The following MCPH1 variants were observed in gnomAD, a reference collection of about 807,000 sequenced individuals.
MCPH1 encodes microcephalin.
Under a neutral mutation model 84.5 loss-of-function variants are expected in MCPH1, and 104 were observed. The ratio of observed to expected loss-of-function variants is 1.23; its 90% CI spans 1.05 to 1.45. MCPH1 has a LOEUF of 1.45. Among genes scored for constraint, MCPH1 ranks in the 40% most tolerant of loss-of-function variants. The pLI is 0.00. For synonymous variants in MCPH1, 514 were observed against 366.8 expected, an observed-to-expected ratio of 1.40 and a Z score of -4.58; for missense variants, 1,498 against 1,005.7, an observed-to-expected ratio of 1.49 and a Z score of -6.62.
chr8:6,442,094 A>G lies in MCPH1; in HGVS notation c.608A>G (p.Asp203Gly), dbSNP rs145639263. Residue 203 changes from aspartate (D) to glycine (G), a missense_variant, in exon 7 of 14, where the codon GAT (aspartate) becomes GGT (glycine). Transcript: ENST00000344683. ...TCCCAAATGATTCAGCAGTCTCATG[A>G]TAATCCAAGTAACTCTCTGTGTGAA... ...TSSQMIQQSH[D>G]NPSNSLCEAP... is the part of the protein sequence containing the mutation. 6.2e-7 allele frequency: 1 copy of G among 1,613,570 alleles called. No homozygotes were observed. The highest frequency in any genetic ancestry group is 1.7e-4 in the Middle Eastern group (1 of 6,058).
Position 6,446,494 on chromosome 8 carries a change from A to G in MCPH1, c.1825+947A>G. The G allele has an allele frequency of 1.2e-5, 12 of 984,736 alleles. No individual in the cohort carries two copies. In the South Asian group the frequency reaches 3.3e-4, roughly 27 times the overall value. The allele number at this position is 984,736 out of a possible 1,614,324, so 61.0% of individuals were successfully genotyped here. ...AAATTGTTTCACAAAAAGAATGAAA[A>G]TAATTTTATGTTTTTGGCCTGCTAT... On this transcript the variant is annotated intron_variant, in intron 8 of 13. Transcript: ENST00000344683.
chr8:6,480,735 G>T lies in MCPH1; in HGVS notation c.1995G>T (p.Gln665His). 6.2e-7 allele frequency: 1 copy of T among 1,614,152 alleles called. No individual in the cohort carries two copies. Among genetic ancestry groups the T allele is most frequent in the Non-Finnish European group, 8.5e-7 (1 of 1,180,026 alleles). Residue 665 changes from glutamine (Q) to histidine (H), a missense_variant, in exon 11 of 14, where the codon CAG (glutamine) becomes CAT (histidine). Transcript: ENST00000344683. ...ACAGAAAGCAGAATGTCGTCATCCA[G>T]GTTGTGGATAAATTGAAAGGCTTTT... is the stretch of plus-strand genomic sequence containing the variant. ...MPSEKQNVVI[Q>H]VVDKLKGFSI...
At chr8:6,512,438 T>G (rs1459723737) in intron 12 of MCPH1, among the ~76,000 whole-genome samples, 1 of 152,160 alleles carries the variant, frequency 6.6e-6, no homozygotes, top group African/African-American at 2.4e-5. Flanking sequence ...ATGACTGTTT[T>G]TGTGATGTTC....
intron 12 of MCPH1, among the ~76,000 whole-genome samples, chr8:6,584,163 C>G (rs1827796202): frequency 6.6e-6 from 1 of 152,082 alleles, no homozygotes; most frequent in Admixed American, 6.5e-5. Context: ...AATTTGTAAT[C>G]AAAAGTCACA....
chr8:6,469,857 C>T (rs1450662613), intron 9 of MCPH1, among the ~76,000 whole-genome samples: 1 of 152,224 alleles, frequency 6.6e-6, no homozygotes, highest in Non-Finnish European at 1.5e-5. Flanking sequence ...TCCCTCATCT[C>T]TACTCCTTTA....
At chr8:6,525,301 C>T (rs1487296486) in intron 12 of MCPH1, among the ~76,000 whole-genome samples, 1 of 152,140 alleles carries the variant, frequency 6.6e-6, no homozygotes, top group Non-Finnish European at 1.5e-5. Context: ...GTCTTTGTTG[C>T]CCAGGTTGGT....
chr8:6,487,191 A>G (rs1000670393), intron 11 of MCPH1, among the ~76,000 whole-genome samples: 1 of 152,238 alleles, frequency 6.6e-6, no homozygotes, highest in Admixed American at 6.5e-5. Context: ...CAGCTTTACA[A>G]CAAAATGTCA....
chr8:6,625,102 C>T (rs1831929157), intron 13 of MCPH1: 1 of 799,436 alleles, frequency 1.3e-6, no homozygotes, highest in Admixed American at 6.2e-5. Context: ...CTCAAACCCC[C>T]AACCTCAAGT....
chr8:6,419,242 C>T (rs1799806015), intron 3 of MCPH1, among the ~76,000 whole-genome samples: 1 of 151,570 alleles, frequency 6.6e-6, no homozygotes, highest in East Asian at 1.9e-4. Flanking sequence ...TTTTTGAAGA[C>T]AGGGTCTTGC....
intron 8 of MCPH1, chr8:6,446,015 T>G: frequency 3.1e-6 from 3 of 979,446 alleles, no homozygotes; most frequent in Non-Finnish European, 3.6e-6. Flanking sequence ...AAACTACTTT[T>G]AGAAATCTGT....
chr8:6,547,927 C>G (rs1018823902), intron 12 of MCPH1, among the ~76,000 whole-genome samples: 3 of 148,912 alleles, frequency 2.0e-5, no homozygotes, highest in African/African-American at 5.0e-5. Flanking sequence ...GTGGTTACTT[C>G]TCTAGTTTGG....
At chr8:6,598,443 A>C (rs966956180) in intron 12 of MCPH1, among the ~76,000 whole-genome samples, 2 of 152,086 alleles carry the variant, frequency 1.3e-5, no homozygotes, top group African/African-American at 4.8e-5. Flanking sequence ...TGAGGGGAGA[A>C]GAAGGGGATG....
At chr8:6,413,345 A>T (rs911376962) in intron 2 of MCPH1, among the ~76,000 whole-genome samples, 4 of 151,068 alleles carry the variant, frequency 2.6e-5, no homozygotes, top group East Asian at 1.9e-4. Context: ...CCTTTCGCCA[A>T]CCATGCTGGA....
intron 13 of MCPH1, among the ~76,000 whole-genome samples, chr8:6,631,747 G>C (rs147019662): frequency 5.9e-5 from 9 of 151,890 alleles, no homozygotes; most frequent in African/African-American, 9.6e-5. Flanking sequence ...GGGAATGTAA[G>C]ATATTGTAGC....
intron 12 of MCPH1, among the ~76,000 whole-genome samples, chr8:6,597,038 C>G (rs2442572): frequency 6.6e-6 from 1 of 151,982 alleles, no homozygotes; most frequent in Non-Finnish European, 1.5e-5. Context: ...GCAATGGGGC[C>G]AGGTGGGCAG....
chr8:6,407,022 C>G (rs1349087411), intron 1 of MCPH1: 1 of 372,974 alleles, frequency 2.7e-6, no homozygotes, highest in East Asian at 7.2e-5. Flanking sequence ...CCCCTCAATC[C>G]CCCGCTGCCT....
intron 9 of MCPH1, among the ~76,000 whole-genome samples, chr8:6,473,286 T>A (rs1452887634): frequency 6.6e-6 from 1 of 151,060 alleles, no homozygotes; most frequent in Non-Finnish European, 1.5e-5. Flanking sequence ...TCTGTAGCAA[T>A]TTAAGCATTG....
chr8:6,634,445 C>G (rs1797392077), intron 13 of MCPH1, among the ~76,000 whole-genome samples: 2 of 152,188 alleles, frequency 1.3e-5, no homozygotes, highest in African/African-American at 4.8e-5. Flanking sequence ...CTGACTACAG[C>G]TGACGGGACA....
chr8:6,636,873 T>A (rs1023257356), intron 13 of MCPH1, among the ~76,000 whole-genome samples: 3 of 152,308 alleles, frequency 2.0e-5, no homozygotes, highest in African/African-American at 7.2e-5. Context: ...ACACCACCTG[T>A]AATATCCTTT....
Sources: gnomAD v4.1 joint callset for allele counts (sites outside exome capture counted in the v4.1 genomes callset) on GRCh38, gnomAD v4.1.1 for gene constraint, MANE v1.5 for transcripts, NCBI Gene and HGNC (gene_info 2026-07-23, HGNC 2026-07-21) for gene names.